Variants in ZBTB8OS observed in about 807,000 individuals in gnomAD.
The protein encoded by ZBTB8OS is tRNA splicing ligase complex subunit 1, also known as tRNA-splicing ligase-activating factor archease.
A neutral mutation model predicts 29.3 loss-of-function variants in ZBTB8OS; 16 were observed. The ratio of observed to expected loss-of-function variants is 0.55; its 90% confidence interval spans 0.37 to 0.83. The LOEUF (loss-of-function observed/expected upper bound fraction) is 0.83. ZBTB8OS is among the 40% of genes least tolerant of loss of function. The probability of loss-of-function intolerance (pLI) is 0.00; values close to 1 mark genes in which losing one functional copy is unlikely to be tolerated. For synonymous variants in ZBTB8OS, 70 were observed against 64.6 expected (o/e 1.08, Z -0.40); for missense variants, 160 against 196.9 (o/e 0.81, Z 1.12).
At chr1:32,634,388 G>A (rs567991630) in intron 2 of ZBTB8OS, 34 of 309,228 alleles carry the variant, frequency 1.1e-4, no homozygotes, top group African/African-American at 5.1e-4. Context: ...CACCAGACCC[G>A]GCTAATTTTT....
intron 4 of ZBTB8OS, 187 bp from the exon 5 acceptor site, chr1:32,632,066 A>G: frequency 1.5e-5 from 4 of 268,722 alleles, no homozygotes; most frequent in Non-Finnish European, 2.5e-5. Context: ...CAGTGGCGTG[A>G]TCTCGGCTCA....
chr1:32,637,828 G>A (rs765766338), intron 1 of ZBTB8OS, among the ~76,000 whole-genome samples: 34 of 151,984 alleles, frequency 2.2e-4, no homozygotes, highest in Non-Finnish European at 4.4e-4. Context: ...CCTTACTCAG[G>A]TAAAATATAT....
chr1:32,630,080 C>CA (rs1645429173), intron 5 of ZBTB8OS, among the ~76,000 whole-genome samples: 1 of 151,768 alleles, frequency 6.6e-6, no homozygotes, highest in Admixed American at 6.6e-5. Context: ...TAAAAAACAA[C>CA]AAAAAACAAA....
At chr1:32,633,486 C>T (rs1645728749) in intron 4 of ZBTB8OS, 159 bp downstream of exon 4, 1 of 556,546 alleles carries the variant, frequency 1.8e-6, no homozygotes, top group African/African-American at 2.0e-5. Flanking sequence ...GCAGGTTAAC[C>T]AGGAAGTGCC....
chr1:32,623,550 G>C (rs1025360081), intron 6 of ZBTB8OS, among the ~76,000 whole-genome samples: 2 of 152,108 alleles, frequency 1.3e-5, no homozygotes, highest in African/African-American at 2.4e-5. Context: ...ACCTTAGCCT[G>C]ATTGCAATGA....
intron 4 of ZBTB8OS, 113 bp from the exon 5 acceptor site, chr1:32,631,992 CTT>C (rs71006345): frequency 0.029 from 3,917 of 134,556 alleles, 1 homozygote; most frequent in South Asian, 0.079. Flanking sequence ...TTGGTAAAAC[CTT>C]TTTTTTTTTT....
intron 1 of ZBTB8OS, among the ~76,000 whole-genome samples, chr1:32,637,972 C>T (rs1646109760): frequency 6.6e-6 from 1 of 151,782 alleles, no homozygotes; most frequent in Non-Finnish European, 1.5e-5. Flanking sequence ...TACCTGGGAT[C>T]ACAGGAGTCC....
At chr1:32,649,665 CACATTTT>C (rs1647156570) in intron 1 of ZBTB8OS, among the ~76,000 whole-genome samples, 2 of 139,320 alleles carry the variant, frequency 1.4e-5, no homozygotes, top group Non-Finnish European at 3.0e-5. Flanking sequence ...CACACACACA[CACATTTT>C]TTTTTTTTTT....
chr1:32,635,436 T>C (rs1363310616), intron 1 of ZBTB8OS, among the ~76,000 whole-genome samples: 10 of 152,104 alleles, frequency 6.6e-5, no homozygotes, highest in Non-Finnish European at 1.5e-5. Flanking sequence ...CACACCCAGC[T>C]AATTTTTGTA....
chr1:32,647,125 C>T (rs561037598), intron 1 of ZBTB8OS, among the ~76,000 whole-genome samples: 108 of 142,444 alleles, frequency 7.6e-4, no homozygotes, highest in Middle Eastern at 4.2e-3. Context: ...GAGGCCGAGG[C>T]GGGCGGATCA....
intron 1 of ZBTB8OS, among the ~76,000 whole-genome samples, chr1:32,649,807 G>A (rs1201615983): frequency 6.6e-6 from 1 of 151,988 alleles, no homozygotes; most frequent in East Asian, 1.9e-4. Flanking sequence ...TGGGATTACA[G>A]ACATGCTCCA....
chr1:32,635,638 T>C (rs1055356214), intron 1 of ZBTB8OS, among the ~76,000 whole-genome samples: 3 of 152,190 alleles, frequency 2.0e-5, no homozygotes, highest in Admixed American at 2.0e-4. Context: ...CTGGAAGGAA[T>C]TCCTGGAGAT....
intron 1 of ZBTB8OS, among the ~76,000 whole-genome samples, chr1:32,635,568 G>T (rs973421876): frequency 6.6e-6 from 1 of 152,094 alleles, no homozygotes; most frequent in African/African-American, 2.4e-5. Flanking sequence ...GAGCCACTGC[G>T]CCTGGCCCAC....
At chr1:32,645,177 CA>C (rs889868436) in intron 1 of ZBTB8OS, among the ~76,000 whole-genome samples, 48 of 133,314 alleles carry the variant, frequency 3.6e-4, no homozygotes, top group East Asian at 4.5e-4. Context: ...GACTTCATCT[CA>C]AAAAAAAAAA....
intron 1 of ZBTB8OS, among the ~76,000 whole-genome samples, chr1:32,637,266 A>C (rs1339123269): frequency 6.6e-6 from 1 of 151,442 alleles, no homozygotes; most frequent in Non-Finnish European, 1.5e-5. Flanking sequence ...TGAAGAAGCC[A>C]GACATAAAAG....
chr1:32,622,005 TA>T (rs869235478), intron 6 of ZBTB8OS, 57 bp from the exon 7 acceptor site: 1 of 1,250,212 alleles, frequency 8.0e-7, no homozygotes, highest in African/African-American at 1.5e-5. Flanking sequence ...ATTGAAATCA[TA>T]ATCATTAACT....
chr1:32,643,579 C>T (rs942390458), intron 1 of ZBTB8OS, among the ~76,000 whole-genome samples: 2 of 150,152 alleles, frequency 1.3e-5, no homozygotes, highest in Non-Finnish European at 3.0e-5. Context: ...CACCACAACC[C>T]CTGCCTCCCG....
chr1:32,635,491 T>C (rs1645885749), intron 1 of ZBTB8OS, among the ~76,000 whole-genome samples: 1 of 152,030 alleles, frequency 6.6e-6, no homozygotes, highest in Non-Finnish European at 1.5e-5. Context: ...AGACTGCTCT[T>C]GAACTCTTGA....
At position 32,621,277 on chromosome 1, in the gene ZBTB8OS, T is replaced by C. The variant is rs1419794885; in HGVS notation, c.*585A>G. The C allele has an allele frequency of 1.3e-5, 2 of 152,018 alleles. No individual in the cohort carries two copies. Among genetic ancestry groups the C allele is most frequent in the African/African-American group, 4.8e-5 (2 of 41,250 alleles). 9.4% of individuals were successfully genotyped at this position (152,018 alleles called of 1,614,324 possible). A position where few individuals can be genotyped will look rare whatever the true frequency, so the allele number is the denominator to read the frequency against. ...AGCCGGGCATGGTGGCGGGTGCCTATAGTCCCAGCTACTCGGGAGGCTGAG... is the reference window on the plus strand; with the variant it reads ...AGCCGGGCATGGTGGCGGGTGCCTACAGTCCCAGCTACTCGGGAGGCTGAG... On this transcript the variant is annotated 3_prime_UTR_variant, in exon 7 of 7. Coordinates refer to ENST00000468695, the MANE Select transcript of ZBTB8OS (RefSeq NM_178547.5).
Sources: gnomAD v4.1 joint callset for allele counts (sites outside exome capture counted in the v4.1 genomes callset) on GRCh38, gnomAD v4.1.1 for gene constraint, MANE v1.5 for transcripts, NCBI Gene and HGNC (gene_info 2026-07-23, HGNC 2026-07-21) for gene names.